The following ATP8B1 variants were observed in gnomAD, a reference collection of about 807,000 sequenced individuals.
ATP8B1 encodes phospholipid-transporting ATPase IC.
Under a neutral mutation model 149.9 loss-of-function variants are expected in ATP8B1, and 80 were observed. The observed-to-expected ratio is 0.53, with a 90% confidence interval of 0.45 to 0.64. ATP8B1 has a LOEUF of 0.64. Among genes scored for constraint, ATP8B1 ranks in the 30% least tolerant of loss-of-function variants. The probability of loss-of-function intolerance (pLI) is 0.00; values close to 1 mark genes in which losing one functional copy is unlikely to be tolerated. For synonymous variants in ATP8B1, 536 were observed against 562.8 expected, an observed-to-expected ratio of 0.95 and a Z score of 0.67; for missense variants, 1,247 against 1,552.6, an observed-to-expected ratio of 0.80 and a Z score of 3.31.
intron 15 of ATP8B1, among the ~76,000 whole-genome samples, chr18:57,676,768 C>A (rs1364457928): frequency 6.7e-6 from 1 of 149,034 alleles, no homozygotes; most frequent in African/African-American, 2.5e-5. Context: ...ACAAACCAAC[C>A]AACCTTAGTT....
intron 2 of ATP8B1, among the ~76,000 whole-genome samples, chr18:57,726,423 A>G (rs2079709235): frequency 6.6e-6 from 1 of 152,214 alleles, no homozygotes; most frequent in Admixed American, 6.5e-5. Flanking sequence ...AGAATGGGAG[A>G]AAATATTCAG....
chr18:57,760,063 C>A (rs564812747), intron 1 of ATP8B1, among the ~76,000 whole-genome samples: 1 of 152,232 alleles, frequency 6.6e-6, no homozygotes, highest in African/African-American at 2.4e-5. Context: ...CCTCTACATA[C>A]CAGCAAGAAG....
At chr18:57,675,066 A>G in intron 15 of ATP8B1, 44 bp from the exon 16 acceptor site, 1 of 1,600,498 alleles carries the variant, frequency 6.2e-7, no homozygotes, top group Non-Finnish European at 8.5e-7. Context: ...TGTAAAAACA[A>G]ATGCAGAGCT....
chr18:57,798,433 G>T (rs941977811), intron 1 of ATP8B1, among the ~76,000 whole-genome samples: 9 of 150,636 alleles, frequency 6.0e-5, no homozygotes, highest in Non-Finnish European at 1.2e-4. Context: ...ATAGAAAAAA[G>T]AAAAAAAGAA....
chr18:57,677,345 G>C (rs466704), intron 15 of ATP8B1, among the ~76,000 whole-genome samples: 46,570 of 152,086 alleles, frequency 0.31, 7,731 homozygotes, highest in East Asian at 0.65. Context: ...AAAATACTCT[G>C]CCTACCCAAG....
At position 57,704,440 on chromosome 18, in the gene ATP8B1, A is replaced by G. The variant is rs975583849; in HGVS notation, c.393+115T>C. ...TGAGGCACTGTTCCTTTATGTACAGAACCCTGATGCTAATATAAAACACTT... is the reference window on the plus strand; with the variant it reads ...TGAGGCACTGTTCCTTTATGTACAGGACCCTGATGCTAATATAAAACACTT... On this transcript the variant is annotated intron_variant, in intron 4 of 27. Coordinates refer to ENST00000648908, the MANE Select transcript of ATP8B1 (RefSeq NM_001374385.1). The G allele has an allele frequency of 6.5e-5, 49 of 753,478 alleles. 1 individual carries two copies. The African/African-American group carries it at 7.8e-4, about 12-fold the overall frequency. 46.7% of individuals were successfully genotyped at this position (753,478 alleles called of 1,614,324 possible).
chr18:57,700,811 G>C (rs116917269), intron 6 of ATP8B1, among the ~76,000 whole-genome samples: 1,780 of 152,186 alleles, frequency 0.012, 16 homozygotes, highest in Middle Eastern at 0.027. Flanking sequence ...CCATCTACTC[G>C]GAGGCTGAGG....
intron 1 of ATP8B1, among the ~76,000 whole-genome samples, chr18:57,795,684 A>G (rs950507591): frequency 3.3e-5 from 5 of 152,142 alleles, no homozygotes; most frequent in Admixed American, 3.3e-4. Context: ...AGCAGAATAG[A>G]GGTTACAGGG....
In ATP8B1 at chr18:57,668,550, A is replaced by G. The variant is rs765853446; in HGVS notation, c.2098-10T>C. The G allele has an allele frequency of 2.0e-6, 2 of 1,013,580 alleles. No homozygotes were observed. Among genetic ancestry groups the G allele is most frequent in the South Asian group, 1.5e-5 (1 of 67,598 alleles). 62.8% of individuals were successfully genotyped at this position (1,013,580 alleles called of 1,614,324 possible). A position where few individuals can be genotyped will look rare whatever the true frequency, so the allele number is the denominator to read the frequency against. On this transcript the variant is annotated splice_polypyrimidine_tract_variant and intron_variant, in intron 18 of 27. Transcript: ENST00000648908. The stretch of plus-strand genomic sequence containing the variant: ...CTGTAGCTCCCAGGAGCTAGAATGT[A>G]TATTAAAAAAAAAAAAAAAAGGAAT...
chr18:57,743,279 G>A (rs17064003), intron 1 of ATP8B1, among the ~76,000 whole-genome samples: 16,839 of 151,968 alleles, frequency 0.11, 1,384 homozygotes, highest in African/African-American at 0.22. Context: ...ATTCAGATTG[G>A]AATTCAAGCT....
At chr18:57,663,462 T>C (rs985940987) in intron 20 of ATP8B1, among the ~76,000 whole-genome samples, 1 of 152,218 alleles carries the variant, frequency 6.6e-6, no homozygotes, top group Admixed American at 6.5e-5. Flanking sequence ...AGTGGGATTG[T>C]TGCATCATAT....
chr18:57,729,549 C>CTTTCTTTT (rs1341032294), intron 2 of ATP8B1, among the ~76,000 whole-genome samples: 12 of 120,742 alleles, frequency 9.9e-5, no homozygotes, highest in African/African-American at 3.8e-4. Flanking sequence ...TTCTTTCTTT[C>CTTTCTTTT]TTTTTTTTTT....
intron 15 of ATP8B1, among the ~76,000 whole-genome samples, chr18:57,675,626 G>A (rs941048226): frequency 3.3e-5 from 5 of 151,976 alleles, no homozygotes; most frequent in African/African-American, 7.3e-5. Context: ...CTTGATCTCC[G>A]GGGCCCAAGT....
chr18:57,695,300 T>A lies in ATP8B1; in HGVS notation c.811A>T (p.Arg271Ter), dbSNP rs319443. 9 of 1,607,588 alleles carry A rather than the reference T, an allele frequency of 5.6e-6. No individual in the cohort carries two copies. Among genetic ancestry groups the A allele is most frequent in the East Asian group, 2.2e-5 (1 of 44,830 alleles). ...AGTGTTCCTGTAAACTTATCTAGTC[T>A]GTTATTGGGTTCTTCACATTCAATA... ...GFIECEEPNNRLDKFTGTLFW... is the reference protein window; with the variant it reads ...GFIECEEPNN The change falls in exon 10 of 28, where the codon AGA (arginine) becomes TGA (stop). Residue 271 changes from arginine (R) to a stop codon, truncating the protein, a stop_gained. Transcript: ENST00000648908. LOFTEE classifies it high-confidence loss of function.
Position 57,652,652 on chromosome 18 carries a change from C to T in ATP8B1, c.3093G>A (p.Lys1031=), listed in dbSNP as rs752357045. ...CATGCAACAAGCTTACAAAGAATCTCTTATAGTTGAATAGTAAGTCTCTTT... is the reference window on the plus strand; with the variant it reads ...CATGCAACAAGCTTACAAAGAATCTTTTATAGTTGAATAGTAAGTCTCTTT... ...VGQRDLLFNY[K]RFFVSLLHGV... Residue 1031 remains lysine, a synonymous_variant, in exon 25 of 28, where the codon AAG becomes AAA. Coordinates refer to ENST00000648908, the MANE Select transcript of ATP8B1 (RefSeq NM_001374385.1). 6 of 1,614,024 alleles carry T rather than the reference C, an allele frequency of 3.7e-6. No individual in the cohort carries two copies. The East Asian group carries it at 1.3e-4, about 36-fold the overall frequency.
intron 2 of ATP8B1, among the ~76,000 whole-genome samples, chr18:57,730,372 C>T (rs1448786651): frequency 1.3e-5 from 1 of 77,422 alleles, no homozygotes; most frequent in East Asian, 4.0e-4. Flanking sequence ...GTGTCTGGAG[C>T]GCTGAAACCA....
intron 2 of ATP8B1, among the ~76,000 whole-genome samples, chr18:57,712,991 T>C (rs139545254): frequency 6.6e-6 from 1 of 152,144 alleles, no homozygotes; most frequent in African/African-American, 2.4e-5. Flanking sequence ...ACAGTAGTGA[T>C]ACCCAGTTAA....
intron 1 of ATP8B1, among the ~76,000 whole-genome samples, chr18:57,791,329 T>G (rs2123451545): frequency 6.6e-6 from 1 of 151,168 alleles, no homozygotes; most frequent in African/African-American, 2.4e-5. Context: ...ATTTCCTTCC[T>G]TTTTTCTTTT....
rs1396213143 is a variant in ATP8B1, at chr18:57,648,710, G to C, written c.3534C>G (p.Ile1178Met). 2 of 1,552,280 alleles carry C rather than the reference G, an allele frequency of 1.3e-6. No homozygotes were observed. Among genetic ancestry groups the C allele is most frequent in the Non-Finnish European group, 1.7e-6 (2 of 1,148,318 alleles). Residue 1178 changes from isoleucine (I) to methionine (M), a missense_variant and splice_region_variant, in exon 28 of 28, where the codon ATC becomes ATG. Around this residue, in one of 3 missense-constraint regions of ATP8B1, gnomAD observed 164 missense variants for 160.3 expected, o/e 1.02. Coordinates refer to ENST00000648908, the MANE Select transcript of ATP8B1 (RefSeq NM_001374385.1). ...CCTTCAACCGCTTGCGATGCTTCTG[G>C]ATCTGCAAGGGGGAGAGATGGGGAG... ...MTIWPSESDK[I>M]QKHRKRLKAE...
Sources: allele counts gnomAD v4.1 joint callset (sites outside exome capture counted in the v4.1 genomes callset), GRCh38; gene constraint gnomAD v4.1.1; regional missense constraint gnomAD v4.1.1; transcripts MANE v1.5; gene names NCBI Gene and HGNC (gene_info 2026-07-23, HGNC 2026-07-21).